The following ACTN1 variants were observed in gnomAD, a reference collection of about 807,000 sequenced individuals.
ACTN1 encodes alpha-actinin-1.
Under a neutral mutation model 119.6 loss-of-function variants are expected in ACTN1, and 30 were observed. The ratio of observed to expected loss-of-function variants is 0.25; its 90% confidence interval spans 0.19 to 0.34. The LOEUF is 0.34. Among genes scored for constraint, ACTN1 ranks in the 10% least tolerant of loss-of-function variants. The probability of loss-of-function intolerance (pLI) is 1.00; values close to 1 mark genes in which losing one functional copy is unlikely to be tolerated. For synonymous variants in ACTN1, 429 were observed against 472.6 expected, an observed-to-expected ratio of 0.91 and a Z score of 1.20; for missense variants, 764 against 1,223.4, an observed-to-expected ratio of 0.62 and a Z score of 5.60.
intron 10 of ACTN1, 54 bp from the exon 11 acceptor site, chr14:68,890,340 T>C: frequency 6.3e-7 from 1 of 1,599,856 alleles, no homozygotes; most frequent in Non-Finnish European, 8.5e-7. Context: ...AGGCTTCAGG[T>C]CCCCTAGCCC....
chr14:68,978,360 C>A, intron 1 of ACTN1: 1 of 382,426 alleles, frequency 2.6e-6, no homozygotes, highest in South Asian at 1.9e-5. Flanking sequence ...GTACGCCCCC[C>A]AGTTTTCTCG....
chr14:68,938,192 G>A (rs987512087), intron 1 of ACTN1, among the ~76,000 whole-genome samples: 5 of 152,270 alleles, frequency 3.3e-5, no homozygotes, highest in African/African-American at 1.2e-4. Context: ...AGAGTCTTCG[G>A]GAACATCTCC....
At chr14:68,968,542 A>T (rs1242841282) in intron 1 of ACTN1, among the ~76,000 whole-genome samples, 2 of 152,272 alleles carry the variant, frequency 1.3e-5, no homozygotes, top group Non-Finnish European at 2.9e-5. Flanking sequence ...ATGTATAGGA[A>T]CAAAAACACC....
intron 4 of ACTN1, among the ~76,000 whole-genome samples, chr14:68,910,377 G>A (rs1458884376): frequency 6.6e-6 from 1 of 151,558 alleles, no homozygotes; most frequent in Non-Finnish European, 1.5e-5. Flanking sequence ...ATCAGGTTGG[G>A]GAGGAAGATT....
chr14:68,979,140 T>TTTTGGGC lies in ACTN1; in HGVS notation c.-85_-84insGCCCAAA. 4.4e-6 allele frequency: 3 copies of TTTTGGGC among 679,828 alleles called. No homozygotes were observed. Among genetic ancestry groups the TTTTGGGC allele is most frequent in the Non-Finnish European group, 6.8e-6 (3 of 442,038 alleles). The allele number at this position is 679,828 out of a possible 1,614,324, so 42.1% of individuals were successfully genotyped here. A position where few individuals can be genotyped will look rare whatever the true frequency, so the allele number is the denominator to read the frequency against. ...CTGCTGCCCTGGCGTGGGGAGGGAGTAGGGCTGGGCTGGGCTGGGCTGGCG... is the reference window on the plus strand; with the variant it reads ...CTGCTGCCCTGGCGTGGGGAGGGAGTTTTGGGCAGGGCTGGGCTGGGCTGGGCTGGCG... On this transcript the variant is annotated 5_prime_UTR_variant, in exon 1 of 22. Transcript: ENST00000394419.
chr14:68,922,907 C>A (rs1336565248), intron 2 of ACTN1, among the ~76,000 whole-genome samples: 2 of 152,200 alleles, frequency 1.3e-5, no homozygotes, highest in African/African-American at 4.8e-5. Flanking sequence ...GCATACCCCT[C>A]CTTCTCCTCA....
chr14:68,875,215 T>C (rs1374414337), intron 21 of ACTN1, 198 bp from the exon 22 acceptor site: 1 of 1,433,952 alleles, frequency 7.0e-7, no homozygotes, highest in Non-Finnish European at 9.2e-7. Context: ...TTTTTAAAAT[T>C]CTCTCAGGTT....
intron 3 of ACTN1, among the ~76,000 whole-genome samples, chr14:68,917,696 G>A (rs1359366569): frequency 1.3e-5 from 2 of 152,242 alleles, no homozygotes; most frequent in African/African-American, 4.8e-5. Context: ...GGGAGTGGAT[G>A]ATTTCACTCC....
At chr14:68,926,537 G>A (rs929743414) in intron 1 of ACTN1, among the ~76,000 whole-genome samples, 1 of 152,360 alleles carries the variant, frequency 6.6e-6, no homozygotes, top group South Asian at 2.1e-4. Context: ...CCAGAGAGAA[G>A]AGCTCCCTTG....
At chr14:68,912,072 G>A (rs561409923) in intron 4 of ACTN1, 84 bp downstream of exon 4, 3 of 1,273,984 alleles carry the variant, frequency 2.4e-6, no homozygotes, top group African/African-American at 1.5e-5. Context: ...AACGTCCGTT[G>A]CCCTGGGTAT....
In ACTN1 at chr14:68,913,893, A is replaced by G. The variant is rs886986298; in HGVS notation, c.341-1651T>C. Among the ~76,000 whole-genome samples the G allele has an allele frequency of 2.6e-5, 4 of 152,336 alleles. No individual in the cohort carries two copies. In the East Asian group the frequency reaches 7.7e-4, roughly 29 times the overall value. Reference sequence around the variant, plus strand: ...GCAACACAGCCAGCCAGCATTTTGCAGTCCACATTGTGGGGAGGTAGTACT... The same window carrying G: ...GCAACACAGCCAGCCAGCATTTTGCGGTCCACATTGTGGGGAGGTAGTACT... On this transcript the variant is annotated intron_variant, in intron 3 of 21. Transcript: ENST00000394419.
chr14:68,942,738 G>GT (rs2035804762), intron 1 of ACTN1, among the ~76,000 whole-genome samples: 1 of 152,166 alleles, frequency 6.6e-6, no homozygotes, highest in African/African-American at 2.4e-5. Flanking sequence ...ACTCAGCAGC[G>GT]TATCAGGAAA....
intron 6 of ACTN1, among the ~76,000 whole-genome samples, chr14:68,905,910 G>A (rs747715581): frequency 4.6e-5 from 7 of 151,488 alleles, no homozygotes; most frequent in Non-Finnish European, 7.4e-5. Flanking sequence ...TTGAACCCGG[G>A]AGGCAGAGGT....
intron 21 of ACTN1, among the ~76,000 whole-genome samples, chr14:68,876,352 C>G (rs1303881925): frequency 3.9e-5 from 6 of 152,184 alleles, no homozygotes; most frequent in African/African-American, 1.2e-4. Flanking sequence ...TTTTACTGAA[C>G]AGAACACAGA....
chr14:68,878,014 T>C lies in ACTN1; in HGVS notation c.2427+444A>G, dbSNP rs1167228942. 2 of 156,592 alleles carry C rather than the reference T, an allele frequency of 1.3e-5. No individual in the cohort carries two copies. Among genetic ancestry groups the C allele is most frequent in the South Asian group, 1.8e-4 (1 of 5,644 alleles). The allele number at this position is 156,592 out of a possible 1,614,324, so 9.7% of individuals were successfully genotyped here. On this transcript the variant is annotated intron_variant, in intron 20 of 21. Coordinates refer to ENST00000394419, the MANE Select transcript of ACTN1 (RefSeq NM_001130004.2). The surrounding 1 kb of genome is among the most constrained non-coding windows in gnomAD (Gnocchi z 4.4). ...TGCAAGGGGGGACAGACTAGGAAGG[T>C]TGGGGGGTGGGGGACGGCCTGGGAC... is the stretch of plus-strand genomic sequence containing the variant.
intron 4 of ACTN1, among the ~76,000 whole-genome samples, chr14:68,910,470 A>G (rs7155450): frequency 0.18 from 27,051 of 152,094 alleles, 3,259 homozygotes; most frequent in East Asian, 0.63. Flanking sequence ...GAGTGAGAAG[A>G]AAGCATTAGG....
At chr14:68,883,785 AT>A (rs1206722606) in intron 14 of ACTN1, among the ~76,000 whole-genome samples, 2 of 152,100 alleles carry the variant, frequency 1.3e-5, no homozygotes, top group African/African-American at 4.8e-5. Context: ...CTCTAAAAAA[AT>A]AAAATAAATA....
rs532634152 is a variant in ACTN1 at position 68,942,204 on chromosome 14, TC to T, written c.106-16533del. 4.4e-4 allele frequency among the ~76,000 whole-genome samples: 51 copies of T among 115,232 alleles called. No homozygotes were observed. In the South Asian group the frequency reaches 0.028, roughly 62 times the overall value. The allele number at this position is 115,232 out of a possible 152,430, so 75.6% of individuals were successfully genotyped here. On this transcript the variant is annotated intron_variant, in intron 1 of 21. Coordinates refer to ENST00000394419, the MANE Select transcript of ACTN1 (RefSeq NM_001130004.2). ...GGAACCTACGCAACAGGCAAAAAAC[TC>T]TGTCTCTACAAAAAATTTAAAAATG...
At chr14:68,898,745 A>G (rs945844817) in intron 8 of ACTN1, among the ~76,000 whole-genome samples, 1 of 152,034 alleles carries the variant, frequency 6.6e-6, no homozygotes, top group Non-Finnish European at 1.5e-5. Flanking sequence ...CACCACTACC[A>G]CCAACCCAGC....
Sources: gnomAD v4.1 joint callset for allele counts (sites outside exome capture counted in the v4.1 genomes callset) on GRCh38, gnomAD v4.1.1 for gene constraint, Gnocchi (gnomAD v3.1) non-coding constraint, MANE v1.5 for transcripts, NCBI Gene and HGNC (gene_info 2026-07-23, HGNC 2026-07-21) for gene names.